The following TSPAN10 variants were observed in gnomAD, a reference collection of about 807,000 sequenced individuals.
The protein encoded by TSPAN10 is tetraspanin 10, also known as tetraspanin-10.
A neutral mutation model predicts 15.0 loss-of-function variants in TSPAN10; 11 were observed. The ratio of observed to expected loss-of-function variants is 0.73; its 90% CI spans 0.46 to 1.21. The LOEUF (loss-of-function observed/expected upper bound fraction) is 1.21. Ranked by LOEUF, TSPAN10 falls within the 50% of genes most tolerant of loss-of-function variation. The pLI is 0.00. For synonymous variants in TSPAN10, 241 were observed against 226.2 expected (o/e 1.07, Z -0.59); for missense variants, 486 against 470.6 (o/e 1.03, Z -0.30).
chr17:81,645,152 C>T (rs1195644185), exon 2 of TSPAN10: 1 of 1,564,682 alleles, frequency 6.4e-7, no homozygotes, highest in East Asian at 2.3e-5. Flanking sequence ...AAAGGACCAG[C>T]CCCTTCCCTC....
rs758765793 is a variant in TSPAN10, at chr17:81,645,639, G to A, written c.674+10G>A. 2.1e-5 allele frequency: 34 copies of A among 1,611,010 alleles called. No individual in the cohort carries two copies. Among genetic ancestry groups the A allele is most frequent in the Non-Finnish European group, 2.8e-5 (33 of 1,179,546 alleles). ...ACTGGCAGCAGAACCTGTGAGTCTT[G>A]GAGTGGGCGAGGGACAGGGCCACCA... On this transcript the variant is annotated intron_variant, in intron 2 of 2. Transcript: ENST00000611590.
In TSPAN10 at chr17:81,645,357, G is replaced by A. The variant is rs1414750573; in HGVS notation, c.402G>A (p.Val134=). The change falls in exon 2 of 3, where the codon GTG becomes GTA. Residue 134 remains valine, a synonymous_variant. Transcript: ENST00000611590. ...TGGGAGGGCTGGTGGTCAGCGCAGTGAGCCTGGCTGGCTACCTGGGCGCCC... is the reference window on the plus strand; with the variant it reads ...TGGGAGGGCTGGTGGTCAGCGCAGTAAGCCTGGCTGGCTACCTGGGCGCCC... The A allele has an allele frequency of 8.2e-6, 13 of 1,591,450 alleles. No individual in the cohort carries two copies. The East Asian group carries it at 1.3e-4, about 16-fold the overall frequency.
downstream of TSPAN10, chr17:81,648,597 TC>T (rs2036294448): frequency 4.0e-6 from 1 of 249,242 alleles, no homozygotes; most frequent in African/African-American, 2.3e-5. Flanking sequence ...AGTTCCCACC[TC>T]CTGGCACCTC....
chr17:81,639,016 C>G (rs2036150584), upstream of TSPAN10: 1 of 151,798 alleles, frequency 6.6e-6, no homozygotes, highest in Non-Finnish European at 1.5e-5. Flanking sequence ...CAAAGCTAAA[C>G]TATAAACTAA....
At chr17:81,640,134 A>G (rs2036165723), upstream of TSPAN10, among the ~76,000 whole-genome samples, 1 of 151,972 alleles carries the variant, frequency 6.6e-6, no homozygotes, top group South Asian at 2.1e-4. Flanking sequence ...AAGTGCTCAC[A>G]ATCACACCTG....
At chr17:81,642,092 C>A (rs1466594007), upstream of TSPAN10, among the ~76,000 whole-genome samples, 3 of 152,140 alleles carry the variant, frequency 2.0e-5, no homozygotes, top group African/African-American at 7.2e-5. Flanking sequence ...GCAGTGAGAG[C>A]CACAAGGCTG....
chr17:81,647,592 T>G, intron 2 of TSPAN10: 1 of 633,152 alleles, frequency 1.6e-6, no homozygotes, highest in Non-Finnish European at 2.9e-6. Flanking sequence ...CGGAGGGAGG[T>G]CCTCTTATCA....
intron 2 of TSPAN10, chr17:81,647,568 C>CTCAG (rs2036271605): frequency 3.4e-6 from 2 of 581,248 alleles, no homozygotes. Flanking sequence ...TCTCAATGAG[C>CTCAG]TCAGCAGCCT....
chr17:81,642,136 G>A (rs537982870), upstream of TSPAN10, among the ~76,000 whole-genome samples: 65 of 152,262 alleles, frequency 4.3e-4, 3 homozygotes, highest in South Asian at 0.013. Context: ...TCACACCTGC[G>A]CTGAGCTTAG....
chr17:81,639,253 G>C (rs1225340780), upstream of TSPAN10: 1 of 142,736 alleles, frequency 7.0e-6, no homozygotes, highest in African/African-American at 2.6e-5. Context: ...TGTCGCCCAG[G>C]TTGGAGTGCA....
exon 1 of TSPAN10, chr17:81,637,225 G>A (rs1200874181): frequency 1.4e-5 from 7 of 486,716 alleles, no homozygotes; most frequent in Non-Finnish European, 2.2e-5. Flanking sequence ...CTGGAGGAGG[G>A]GATTTTGGAA....
At chr17:81,639,635 C>T (rs1159236741), upstream of TSPAN10, among the ~76,000 whole-genome samples, 5 of 150,534 alleles carry the variant, frequency 3.3e-5, no homozygotes, top group African/African-American at 7.3e-5. Context: ...CGGTGGCTCA[C>T]GCCTGTCATC....
At chr17:81,637,448 C>T (rs2036118119), upstream of TSPAN10, 4 of 636,864 alleles carry the variant, frequency 6.3e-6, no homozygotes, top group Middle Eastern at 2.4e-4. Context: ...ATCACACCTT[C>T]ATGTTTTTTT....
At chr17:81,637,608 G>A (rs2036121956), upstream of TSPAN10, 2 of 511,564 alleles carry the variant, frequency 3.9e-6, no homozygotes, top group African/African-American at 2.0e-5. Context: ...AGACCAGCCT[G>A]GCCAAAATGG....
At chr17:81,645,291 G>C in exon 2 of TSPAN10, 1 of 1,537,184 alleles carries the variant, frequency 6.5e-7, no homozygotes, top group Non-Finnish European at 8.7e-7. Context: ...GAAGTGATCT[G>C]GGGGGGCCCC....
chr17:81,645,527 C>T, exon 2 of TSPAN10: 1 of 1,597,298 alleles, frequency 6.3e-7, no homozygotes, highest in Non-Finnish European at 8.5e-7. Context: ...GTGGCCATCG[C>T]CCACTACCAG....
At chr17:81,639,744 C>T (rs1170403474), upstream of TSPAN10, among the ~76,000 whole-genome samples, 3 of 151,044 alleles carry the variant, frequency 2.0e-5, no homozygotes, top group African/African-American at 4.9e-5. Context: ...TTTGAGAGGC[C>T]GAGGCAGGTG....
At chr17:81,646,641 C>T (rs1193793413) in intron 2 of TSPAN10, 1 of 148,134 alleles carries the variant, frequency 6.8e-6, no homozygotes, top group African/African-American at 2.5e-5. Context: ...GATCGCCCCA[C>T]TGCACTCCAG....
At chr17:81,641,985 T>C (rs1018305731), upstream of TSPAN10, among the ~76,000 whole-genome samples, 2 of 152,026 alleles carry the variant, frequency 1.3e-5, no homozygotes, top group Non-Finnish European at 2.9e-5. Flanking sequence ...TCTCTTGGGA[T>C]TGGGGTTGTG....
Sources: gnomAD v4.1 joint callset for allele counts (sites outside exome capture counted in the v4.1 genomes callset) on GRCh38, gnomAD v4.1.1 for gene constraint, MANE v1.5 for transcripts, NCBI Gene and HGNC (gene_info 2026-07-23, HGNC 2026-07-21) for gene names.